THAP8: variants seen among roughly 807,000 people sequenced by gnomAD.
THAP8 encodes the protein THAP domain-containing protein 8.
THAP8 carries 24 observed loss-of-function variants against 25.0 expected under a neutral mutation model. The observed-to-expected ratio is 0.96, with a 90% confidence interval of 0.69 to 1.35. THAP8 has a LOEUF of 1.35. THAP8 is among the 40% of genes most tolerant of loss of function. The pLI is 0.00. For synonymous variants in THAP8, 169 were observed against 157.6 expected, an observed-to-expected ratio of 1.07 and a Z score of -0.54; for missense variants, 399 against 368.8, an observed-to-expected ratio of 1.08 and a Z score of -0.67.
chr19:36,040,061 G>A lies in THAP8; in HGVS notation c.159C>T (p.Cys53=). 1 of 1,613,568 alleles carries A rather than the reference G, an allele frequency of 6.2e-7. No homozygotes were observed. The highest frequency in any genetic ancestry group is 8.5e-7 in the Non-Finnish European group (1 of 1,179,804). ...HMGCEHWVPS[C]HQHLCSEHFT... ...AGTGCTCGCTGCACAAGTGCTGGTG[G>A]CAGCTGGGCACCCAGTGCTCACAGC... The change falls in exon 2 of 4, where the codon TGC becomes TGT. Residue 53 remains cysteine, a synonymous_variant. Coordinates refer to ENST00000292894, the MANE Select transcript of THAP8 (RefSeq NM_152658.3).
intron 1 of THAP8, among the ~76,000 whole-genome samples, chr19:36,048,656 C>T (rs1380183896): frequency 2.0e-5 from 3 of 151,718 alleles, no homozygotes; most frequent in South Asian, 4.2e-4. Context: ...TGAGCCACCG[C>T]GCCCAGCCCA....
intron 3 of THAP8, among the ~76,000 whole-genome samples, chr19:36,037,235 T>G (rs1019464615): frequency 2.6e-5 from 3 of 114,624 alleles, no homozygotes; most frequent in South Asian, 3.0e-4. Flanking sequence ...TTCCTCAACT[T>G]CCTCCCCTAC....
At chr19:36,039,840 T>C (rs886401240) in intron 2 of THAP8, 104 bp downstream of exon 2, 1 of 1,568,546 alleles carries the variant, frequency 6.4e-7, no homozygotes, top group African/African-American at 1.4e-5. Context: ...AGGGAGGAAG[T>C]GTCGTCAGGA....
chr19:36,050,226 G>C (rs981976471), intron 1 of THAP8, among the ~76,000 whole-genome samples: 9 of 152,056 alleles, frequency 5.9e-5, no homozygotes, highest in Non-Finnish European at 1.2e-4. Flanking sequence ...GCTCACTGCA[G>C]CCTCGGCTCC....
At chr19:36,037,188 C>T (rs12977753) in intron 3 of THAP8, among the ~76,000 whole-genome samples, 1 of 151,096 alleles carries the variant, frequency 6.6e-6, no homozygotes, top group Non-Finnish European at 1.5e-5. Flanking sequence ...TCCTCATCTT[C>T]CTCCCCCGCC....
chr19:36,040,276 C>A (rs1196884576), intron 1 of THAP8, 140 bp from the exon 2 acceptor site: 3 of 793,272 alleles, frequency 3.8e-6, no homozygotes, highest in Non-Finnish European at 5.8e-6. Context: ...TGTGCCCAGG[C>A]TTTCTCTATC....
At chr19:36,048,863 AAC>A (rs1241519555) in intron 1 of THAP8, among the ~76,000 whole-genome samples, 11 of 148,292 alleles carry the variant, frequency 7.4e-5, no homozygotes, top group South Asian at 4.2e-4. Context: ...AAAACAAAAA[AAC>A]AAAAAACACC....
chr19:36,049,632 TAC>T (rs1369634719), intron 1 of THAP8, among the ~76,000 whole-genome samples: 1 of 152,094 alleles, frequency 6.6e-6, no homozygotes, highest in Non-Finnish European at 1.5e-5. Flanking sequence ...GTGATTTTTA[TAC>T]AGTCATCTGG....
intron 1 of THAP8, among the ~76,000 whole-genome samples, chr19:36,043,703 C>T (rs997952076): frequency 1.3e-5 from 2 of 152,112 alleles, no homozygotes; most frequent in Non-Finnish European, 2.9e-5. Context: ...GCCTGGCCAA[C>T]ATGGTGAAAC....
Position 36,052,132 on chromosome 19 carries a change from C to T in THAP8, c.83+2003G>A, listed in dbSNP as rs139273762. ...CAATCTCGGCTCACTGCAACCTCTGCCTCCTGGGTTCAAGTGATCCTCCTG... is the reference window on the plus strand; with the variant it reads ...CAATCTCGGCTCACTGCAACCTCTGTCTCCTGGGTTCAAGTGATCCTCCTG... On this transcript the variant is annotated intron_variant, in intron 1 of 3. Transcript: ENST00000292894. Among the ~76,000 whole-genome samples, 23 of 152,104 alleles carry T rather than the reference C, an allele frequency of 1.5e-4. No homozygotes were observed. In the East Asian group the frequency reaches 4.1e-3, roughly 27 times the overall value.
At chr19:36,036,970 CCTT>C (rs1269284502) in intron 3 of THAP8, among the ~76,000 whole-genome samples, 2 of 150,762 alleles carry the variant, frequency 1.3e-5, no homozygotes, top group East Asian at 3.9e-4. Context: ...ATCGGATACT[CCTT>C]AACTCCAGAG....
At position 36,045,086 on chromosome 19, in the gene THAP8, T is replaced by C. The variant is rs1245061379; in HGVS notation, c.84-4950A>G. 3.3e-5 allele frequency among the ~76,000 whole-genome samples: 5 copies of C among 152,066 alleles called. No individual in the cohort carries two copies. The South Asian group carries it at 8.3e-4, about 25-fold the overall frequency. ...GACTATTACTTTATTTATTTATTTATTTATTTAATTTATTTTTTTGAGATG... is the reference window on the plus strand; with the variant it reads ...GACTATTACTTTATTTATTTATTTACTTATTTAATTTATTTTTTTGAGATG... On this transcript the variant is annotated intron_variant, in intron 1 of 3. Coordinates refer to ENST00000292894, the MANE Select transcript of THAP8 (RefSeq NM_152658.3).
At chr19:36,036,940 C>CAAA (rs10522467) in intron 3 of THAP8, among the ~76,000 whole-genome samples, 1,383 of 113,154 alleles carry the variant, frequency 0.012, 17 homozygotes, top group Non-Finnish European at 0.02. Flanking sequence ...GACTCCTTCT[C>CAAA]AAAAAAAAAA....
chr19:36,039,267 A>G, intron 3 of THAP8, 56 bp downstream of exon 3: 13 of 1,400,016 alleles, frequency 9.3e-6, no homozygotes, highest in Middle Eastern at 2.6e-4. Flanking sequence ...ATGAAAACAC[A>G]CTGCAGGCCA....
Position 36,035,562 on chromosome 19 carries a change from A to G in THAP8, c.703T>C (p.Ser235Pro). The change falls in exon 4 of 4, where the codon TCC becomes CCC. Residue 235 changes from serine (S) to proline (P), a missense_variant. Ser to Pro is a moderately conservative substitution (Grantham distance 74, BLOSUM62 -1). Coordinates refer to ENST00000292894, the MANE Select transcript of THAP8 (RefSeq NM_152658.3). Reference sequence around the variant, plus strand: ...CCACAGATGATGGTGAAGGTTTGGGATTCCTCAGGTCCAAGGGTCTGGGCT... The same window carrying G: ...CCACAGATGATGGTGAAGGTTTGGGGTTCCTCAGGTCCAAGGGTCTGGGCT... ...TTAQTLGPEE[S>P]QTFTIICGGP... 1.2e-6 allele frequency: 2 copies of G among 1,614,076 alleles called. No homozygotes were observed. Among genetic ancestry groups the G allele is most frequent in the South Asian group, 2.2e-5 (2 of 91,082 alleles).
At chr19:36,047,837 A>G (rs546294520) in intron 1 of THAP8, among the ~76,000 whole-genome samples, 30 of 151,532 alleles carry the variant, frequency 2.0e-4, no homozygotes, top group Admixed American at 5.3e-4. Context: ...AAAAAAAAAA[A>G]AAAGAAAGAA....
chr19:36,038,930 T>C (rs1314146170), intron 3 of THAP8, among the ~76,000 whole-genome samples: 1 of 152,168 alleles, frequency 6.6e-6, no homozygotes, highest in African/African-American at 2.4e-5. Context: ...GTTATAACTC[T>C]GTGTCTGGCA....
chr19:36,035,370 A>T lies in THAP8; in HGVS notation c.*70T>A, dbSNP rs1162145174. ...CAGGCGTGGGCGGTGGGGCTGGGCC[A>T]AGCCCACGTATAATGTCTTTCCTCC... On this transcript the variant is annotated 3_prime_UTR_variant, in exon 4 of 4. Transcript: ENST00000292894. 1 of 1,543,524 alleles carries T rather than the reference A, an allele frequency of 6.5e-7. No homozygotes were observed. The highest frequency in any genetic ancestry group is 8.8e-7 in the Non-Finnish European group (1 of 1,138,546).
At chr19:36,048,115 CT>C (rs770389238) in intron 1 of THAP8, among the ~76,000 whole-genome samples, 21 of 152,204 alleles carry the variant, frequency 1.4e-4, no homozygotes, top group Non-Finnish European at 2.8e-4. Flanking sequence ...ATTCACTCCA[CT>C]TTCTTTTTTC....
Sources: allele counts gnomAD v4.1 joint callset (sites outside exome capture counted in the v4.1 genomes callset), GRCh38; gene constraint gnomAD v4.1.1; transcripts MANE v1.5; gene names NCBI Gene and HGNC (gene_info 2026-07-23, HGNC 2026-07-21).